Variants in ADARB2 observed in about 807,000 individuals in gnomAD.
ADARB2 encodes inactive double-stranded RNA-specific editase B2.
A neutral mutation model predicts 62.2 loss-of-function variants in ADARB2; 25 were observed. The ratio of observed to expected loss-of-function variants is 0.40; its 90% CI spans 0.29 to 0.56. The LOEUF (loss-of-function observed/expected upper bound fraction) is 0.56, where lower values mean the gene tolerates loss of function less well. Among genes scored for constraint, ADARB2 ranks in the 20% least tolerant of loss-of-function variants. ADARB2 has a pLI of 0.43. For synonymous variants in ADARB2, 572 were observed against 500.8 expected, an observed-to-expected ratio of 1.14 and a Z score of -1.90; for missense variants, 1,071 against 1,077.4, an observed-to-expected ratio of 0.99 and a Z score of 0.08.
At chr10:1,496,411 C>A (rs1342908313) in intron 1 of ADARB2, among the ~76,000 whole-genome samples, 1 of 151,876 alleles carries the variant, frequency 6.6e-6, no homozygotes, top group African/African-American at 2.4e-5. Context: ...ACATTATCAT[C>A]CTATCTTCAT....
intron 3 of ADARB2, chr10:1,361,585 C>T (rs763269179): frequency 6.6e-6 from 1 of 152,096 alleles, no homozygotes; most frequent in Admixed American, 6.5e-5. Flanking sequence ...CCCTACCCCA[C>T]GCCGGCCAAG....
At chr10:1,674,266 G>C (rs1834432366) in intron 1 of ADARB2, among the ~76,000 whole-genome samples, 1 of 152,300 alleles carries the variant, frequency 6.6e-6, no homozygotes, top group South Asian at 2.1e-4. Context: ...CAACTGTGGG[G>C]GCCCCCGCAG....
intron 1 of ADARB2, among the ~76,000 whole-genome samples, chr10:1,711,038 C>T (rs946490301): frequency 1.3e-5 from 2 of 152,134 alleles, no homozygotes; most frequent in Non-Finnish European, 2.9e-5. Context: ...CAGCCAGTGA[C>T]GTGTGTTACT....
At chr10:1,458,633 C>T (rs1257757081) in intron 1 of ADARB2, among the ~76,000 whole-genome samples, 1 of 152,156 alleles carries the variant, frequency 6.6e-6, no homozygotes, top group Non-Finnish European at 1.5e-5. Context: ...GCCCTCTGGT[C>T]TGGCCTCTTT....
At chr10:1,592,386 C>A (rs137988049) in intron 1 of ADARB2, among the ~76,000 whole-genome samples, 1 of 37,440 alleles carries the variant, frequency 2.7e-5, no homozygotes, top group Non-Finnish European at 5.9e-5. Context: ...CAGCTCCCTT[C>A]GCCCAAGCCA....
At chr10:1,590,523 A>G (rs1042063322) in intron 1 of ADARB2, among the ~76,000 whole-genome samples, 1 of 152,206 alleles carries the variant, frequency 6.6e-6, no homozygotes, top group Non-Finnish European at 1.5e-5. Flanking sequence ...TTTTCTCTGG[A>G]CCTGGTTCCT....
chr10:1,251,895 T>C (rs370225432), intron 4 of ADARB2, among the ~76,000 whole-genome samples: 1 of 152,230 alleles, frequency 6.6e-6, no homozygotes, highest in Non-Finnish European at 1.5e-5. Context: ...GGCACCATCC[T>C]GGAGGCAGAG....
intron 1 of ADARB2, among the ~76,000 whole-genome samples, chr10:1,643,848 C>G (rs7893810): frequency 0.53 from 80,266 of 151,910 alleles, 23,190 homozygotes; most frequent in Non-Finnish European, 0.65. Context: ...TTGGAGCCTG[C>G]GGAGTGACAG....
chr10:1,365,302 C>T (rs992159510), intron 2 of ADARB2, among the ~76,000 whole-genome samples: 7 of 152,128 alleles, frequency 4.6e-5, no homozygotes, highest in African/African-American at 9.7e-5. Flanking sequence ...CCACTTAAGA[C>T]GGCAAACTTA....
intron 1 of ADARB2, among the ~76,000 whole-genome samples, chr10:1,708,372 T>G (rs1332650545): frequency 6.6e-6 from 1 of 152,134 alleles, no homozygotes; most frequent in Non-Finnish European, 1.5e-5. Flanking sequence ...AGAAGCCCAA[T>G]CTGCTCCTCA....
chr10:1,655,080 A>C (rs891944750), intron 1 of ADARB2, among the ~76,000 whole-genome samples: 1 of 152,184 alleles, frequency 6.6e-6, no homozygotes, highest in Non-Finnish European at 1.5e-5. Flanking sequence ...ACACAGGGCG[A>C]GGACTGGGAG....
chr10:1,490,953 G>T (rs1831614339), intron 1 of ADARB2, among the ~76,000 whole-genome samples: 1 of 152,198 alleles, frequency 6.6e-6, no homozygotes, highest in Non-Finnish European at 1.5e-5. Context: ...GGACCTTGAA[G>T]TCCACATCAT....
intron 1 of ADARB2, among the ~76,000 whole-genome samples, chr10:1,507,237 G>A (rs1831863634): frequency 6.6e-6 from 1 of 152,222 alleles, no homozygotes; most frequent in Non-Finnish European, 1.5e-5. Context: ...TGCTACAGAG[G>A]AAGGAAACAG....
At chr10:1,343,797 C>T (rs1401205199) in intron 3 of ADARB2, among the ~76,000 whole-genome samples, 4 of 152,078 alleles carry the variant, frequency 2.6e-5, no homozygotes, top group African/African-American at 7.2e-5. Flanking sequence ...TCCATGTTCT[C>T]ACTTATATGT....
chr10:1,268,974 A>G (rs1259177810), intron 4 of ADARB2, among the ~76,000 whole-genome samples: 3 of 152,224 alleles, frequency 2.0e-5, no homozygotes, highest in African/African-American at 7.2e-5. Context: ...TCCCAGAAAG[A>G]TGGAAAGATA....
rs538298227 is a variant in ADARB2, at chr10:1,269,354, C to T, written c.1192+1601G>A. ...AGAATATAAGAGCCACAAGGGTAGG[C>T]ATTTGGTCTCTTGTTCTGCTGATTC... On this transcript the variant is annotated intron_variant, in intron 4 of 9. Transcript: ENST00000381312. Among the ~76,000 whole-genome samples the T allele has an allele frequency of 2.6e-5, 4 of 152,304 alleles. No individual in the cohort carries two copies. The South Asian group carries it at 8.3e-4, about 32-fold the overall frequency.
intron 1 of ADARB2, among the ~76,000 whole-genome samples, chr10:1,676,581 C>T (rs553120867): frequency 6.6e-6 from 1 of 152,160 alleles, no homozygotes; most frequent in South Asian, 2.1e-4. Flanking sequence ...GACTGGGGAC[C>T]TCTGGGCTCA....
intron 1 of ADARB2, among the ~76,000 whole-genome samples, chr10:1,623,715 G>A (rs796584907): frequency 2.4e-4 from 37 of 152,140 alleles, no homozygotes; most frequent in African/African-American, 4.1e-4. Context: ...CCTCCCTCCC[G>A]CCTACAGGAC....
At chr10:1,263,879 T>C (rs924430383) in intron 4 of ADARB2, among the ~76,000 whole-genome samples, 5 of 152,248 alleles carry the variant, frequency 3.3e-5, no homozygotes, top group African/African-American at 1.2e-4. Flanking sequence ...TGTCCAGTCA[T>C]TGATTTTCTT....
Sources: gnomAD v4.1 joint callset for allele counts (sites outside exome capture counted in the v4.1 genomes callset) on GRCh38, gnomAD v4.1.1 for gene constraint, MANE v1.5 for transcripts, NCBI Gene and HGNC (gene_info 2026-07-23, HGNC 2026-07-21) for gene names.